The following NMT2 variants were observed in gnomAD, a reference collection of about 807,000 sequenced individuals.
The protein encoded by NMT2 is N-myristoyltransferase 2, also known as glycylpeptide N-tetradecanoyltransferase 2.
Under a neutral mutation model 65.4 loss-of-function variants are expected in NMT2, and 35 were observed. The observed-to-expected ratio is 0.54, with a 90% CI of 0.41 to 0.71. NMT2 has a LOEUF of 0.71. NMT2 is among the 30% of genes least tolerant of loss of function. NMT2 has a pLI of 0.00. For missense variants in NMT2, 489 were observed against 611.3 expected (o/e 0.80, Z 2.11); for synonymous variants, 226 against 231.8 (o/e 0.98, Z 0.23).
rs185651188 is a variant in NMT2 at position 15,165,643 on chromosome 10, C to T, written c.110+2860G>A. Among the ~76,000 whole-genome samples, 256 of 152,006 alleles carry T rather than the reference C, an allele frequency of 1.7e-3. 2 individuals are homozygous for T. The highest frequency in any genetic ancestry group is 1.6e-3 in the Non-Finnish European group (110 of 67,980). ...CTGTAATCCCAGCACTTTGGGAGGC[C>T]GAGGCAAGCATATCACCTAAGGTCA... On this transcript the variant is annotated intron_variant, in intron 1 of 11. Transcript: ENST00000378165.
intron 11 of NMT2, among the ~76,000 whole-genome samples, 195 bp downstream of exon 11, chr10:15,109,507 G>A (rs1175181350): frequency 6.6e-6 from 1 of 152,140 alleles, no homozygotes; most frequent in East Asian, 1.9e-4. Flanking sequence ...GGAGGCGGAG[G>A]TTGCAGTGAG....
intron 6 of NMT2, 64 bp from the exon 7 acceptor site, chr10:15,130,376 T>C: frequency 8.3e-7 from 1 of 1,206,780 alleles, no homozygotes; most frequent in Admixed American, 2.7e-5. Context: ...AGTCAACACA[T>C]TTTAAAAAAT....
chr10:15,167,645 C>T (rs1020203443), intron 1 of NMT2, among the ~76,000 whole-genome samples: 1 of 152,284 alleles, frequency 6.6e-6, no homozygotes. Context: ...TGACCCACTG[C>T]CTCTAAAAAG....
chr10:15,150,426 A>G (rs567141957), intron 1 of NMT2, among the ~76,000 whole-genome samples: 4 of 152,288 alleles, frequency 2.6e-5, no homozygotes, highest in African/African-American at 9.6e-5. Flanking sequence ...TGTAATGCAG[A>G]GTCCAGAGCA....
chr10:15,113,054 G>T, intron 9 of NMT2, 91 bp from the exon 10 acceptor site: 2 of 1,338,542 alleles, frequency 1.5e-6, no homozygotes, highest in South Asian at 1.2e-5. Context: ...TTGCCCCAGA[G>T]AACGAAAAGC....
intron 1 of NMT2, among the ~76,000 whole-genome samples, chr10:15,153,299 T>G (rs892024921): frequency 3.9e-5 from 6 of 152,228 alleles, no homozygotes; most frequent in African/African-American, 1.4e-4. Flanking sequence ...GAGGTTGATC[T>G]ACGTATTTTG....
intron 2 of NMT2, chr10:15,140,862 C>T (rs1197288397): frequency 1.2e-5 from 10 of 867,456 alleles, no homozygotes; most frequent in Non-Finnish European, 1.5e-5. Flanking sequence ...AACACGGGGC[C>T]CAGCTGGACA....
intron 9 of NMT2, among the ~76,000 whole-genome samples, chr10:15,114,212 A>C (rs563705940): frequency 8.9e-4 from 135 of 152,336 alleles, no homozygotes; most frequent in Non-Finnish European, 1.5e-3. Context: ...AGAATTTCTC[A>C]TATCCATCTC....
chr10:15,143,604 C>T (rs1846852071), intron 1 of NMT2, among the ~76,000 whole-genome samples: 1 of 152,218 alleles, frequency 6.6e-6, no homozygotes, highest in Non-Finnish European at 1.5e-5. Flanking sequence ...CGCCTATAAT[C>T]CCAGCACTTT....
chr10:15,116,443 A>G (rs1845749296), intron 9 of NMT2, among the ~76,000 whole-genome samples: 1 of 152,192 alleles, frequency 6.6e-6, no homozygotes, highest in Admixed American at 6.5e-5. Context: ...AGAGAGGGAA[A>G]CTGATAGAAC....
At chr10:15,119,156 T>C (rs1845841669) in intron 9 of NMT2, among the ~76,000 whole-genome samples, 187 bp downstream of exon 9, 1 of 152,232 alleles carries the variant, frequency 6.6e-6, no homozygotes, top group South Asian at 2.1e-4. Flanking sequence ...CAAATGGCAG[T>C]TTCACTTAAG....
At chr10:15,113,703 C>T (rs1278809314) in intron 9 of NMT2, among the ~76,000 whole-genome samples, 1 of 152,046 alleles carries the variant, frequency 6.6e-6, no homozygotes, top group African/African-American at 2.4e-5. Flanking sequence ...TATATCAGGC[C>T]TAAGTAAGGT....
Position 15,106,674 on chromosome 10 carries a change from G to T in NMT2, c.*2521C>A, listed in dbSNP as rs1463519327. 7.1e-6 allele frequency: 7 copies of T among 984,830 alleles called. No homozygotes were observed. Among genetic ancestry groups the T allele is most frequent in the African/African-American group, 1.7e-5 (1 of 57,334 alleles). The allele number at this position is 984,830 out of a possible 1,614,324, so 61.0% of individuals were successfully genotyped here. A position where few individuals can be genotyped will look rare whatever the true frequency, so the allele number is the denominator to read the frequency against. On this transcript the variant is annotated 3_prime_UTR_variant, in exon 12 of 12. Transcript: ENST00000378165. ...TAGAAAGGAGAGTTCCAACTCCTTC[G>T]TAGTGACCAAGGTCAACAAACTTTC...
At chr10:15,136,858 C>T (rs571101179) in intron 2 of NMT2, among the ~76,000 whole-genome samples, 7 of 149,454 alleles carry the variant, frequency 4.7e-5, no homozygotes, top group South Asian at 2.1e-4. Context: ...CCTCAAATAA[C>T]GTAATAATAC....
chr10:15,105,819 T>G lies in NMT2; in HGVS notation c.*3376A>C, dbSNP rs989298472. On this transcript the variant is annotated 3_prime_UTR_variant, in exon 12 of 12. Coordinates refer to ENST00000378165, the MANE Select transcript of NMT2 (RefSeq NM_004808.3). The stretch of plus-strand genomic sequence containing the variant: ...GCTACTTCATAAGCAAGCAGTTTAA[T>G]TCTCGAAAATGTTAATTAGTAATCT... 6.6e-5 allele frequency among the ~76,000 whole-genome samples: 10 copies of G among 152,250 alleles called. No homozygotes were observed. Among genetic ancestry groups the G allele is most frequent in the African/African-American group, 2.4e-4 (10 of 41,476 alleles).
At chr10:15,130,948 C>A (rs879315178) in intron 6 of NMT2, among the ~76,000 whole-genome samples, 2 of 151,874 alleles carry the variant, frequency 1.3e-5, no homozygotes, top group Non-Finnish European at 2.9e-5. Context: ...CGCCACCATG[C>A]CCAGCTCATT....
chr10:15,119,367 G>A lies in NMT2; in HGVS notation c.1146C>T (p.His382=). 6.2e-7 allele frequency: 1 copy of A among 1,614,152 alleles called. No individual in the cohort carries two copies. The highest frequency in any genetic ancestry group is 8.5e-7 in the Non-Finnish European group (1 of 1,180,014). ...CCTCCACTACAAACGTGTCAATAATGTGCTCCCGGGGGAGGAACCAGTGGG... is the reference window on the plus strand; with the variant it reads ...CCTCCACTACAAACGTGTCAATAATATGCTCCCGGGGGAGGAACCAGTGGG... ...EVAHWFLPRE[H]IIDTFVVESP... Residue 382 remains histidine, a synonymous_variant, in exon 9 of 12, where the codon CAC becomes CAT. Coordinates refer to ENST00000378165, the MANE Select transcript of NMT2 (RefSeq NM_004808.3).
intron 2 of NMT2, among the ~76,000 whole-genome samples, chr10:15,137,059 C>A (rs1846537903): frequency 6.6e-6 from 1 of 152,172 alleles, no homozygotes; most frequent in African/African-American, 2.4e-5. Flanking sequence ...TATGTCAACA[C>A]AGGGTGGACA....
At chr10:15,123,531 G>GAAAAAAAA (rs775699014) in intron 8 of NMT2, among the ~76,000 whole-genome samples, 7 of 52,524 alleles carry the variant, frequency 1.3e-4, no homozygotes, top group East Asian at 8.1e-4. Flanking sequence ...TCGTCTCACA[G>GAAAAAAAA]AAAAAAAAAA....
Sources: gnomAD v4.1 joint callset for allele counts (sites outside exome capture counted in the v4.1 genomes callset) on GRCh38, gnomAD v4.1.1 for gene constraint, MANE v1.5 for transcripts, NCBI Gene and HGNC (gene_info 2026-07-23, HGNC 2026-07-21) for gene names.